RNF150: variants seen among roughly 807,000 people sequenced by gnomAD.
The protein encoded by RNF150 is ring finger protein 150.
Under a neutral mutation model 39.3 loss-of-function variants are expected in RNF150, and 24 were observed. That is an observed-to-expected ratio of 0.61 (90% CI 0.44 to 0.86). The LOEUF (loss-of-function observed/expected upper bound fraction) is 0.86, where lower values mean the gene tolerates loss of function less well. Ranked by LOEUF, RNF150 falls within the 40% of genes least tolerant of loss-of-function variation. The pLI is 0.00. For missense variants in RNF150, 502 were observed against 587.8 expected (o/e 0.85, Z 1.51); for synonymous variants, 255 against 227.3 (o/e 1.12, Z -1.10).
At chr4:140,957,964 A>G (rs894007338) in intron 2 of RNF150, among the ~76,000 whole-genome samples, 14 of 151,954 alleles carry the variant, frequency 9.2e-5, no homozygotes, top group Non-Finnish European at 1.8e-4. Flanking sequence ...TAGTGGGTGT[A>G]GCGCACCAGC....
In RNF150 at chr4:140,919,019, A is replaced by T. The variant is rs1014970193; in HGVS notation, c.987+6958T>A. ...GCTAAAAACTCTCAATAAGTTAGGTATTGATGGGACGTATCTCAAAATAAT... is the reference window on the plus strand; with the variant it reads ...GCTAAAAACTCTCAATAAGTTAGGTTTTGATGGGACGTATCTCAAAATAAT... On this transcript the variant is annotated intron_variant, in intron 5 of 6. Transcript: ENST00000515673. Among the ~76,000 whole-genome samples, 21 of 152,158 alleles carry T rather than the reference A, an allele frequency of 1.4e-4. No individual in the cohort carries two copies. The East Asian group carries it at 1.6e-3, about 11-fold the overall frequency.
intron 1 of RNF150, among the ~76,000 whole-genome samples, chr4:140,973,228 A>G (rs2111437641): frequency 6.6e-6 from 1 of 152,286 alleles, no homozygotes; most frequent in East Asian, 1.9e-4. Context: ...AATGTGAAAA[A>G]ACTAGAAAGA....
chr4:140,925,403 A>T (rs1731353064), intron 5 of RNF150, among the ~76,000 whole-genome samples: 1 of 152,130 alleles, frequency 6.6e-6, no homozygotes, highest in Admixed American at 6.6e-5. Flanking sequence ...CAACTGGGGG[A>T]ACCCGTTAAA....
chr4:140,976,080 G>C (rs191582303), intron 1 of RNF150, among the ~76,000 whole-genome samples: 2 of 151,988 alleles, frequency 1.3e-5, no homozygotes, highest in African/African-American at 4.8e-5. Context: ...TGATTGGTTC[G>C]GCTTTCCTAT....
intron 1 of RNF150, among the ~76,000 whole-genome samples, chr4:141,115,419 A>C (rs7658695): frequency 6.6e-6 from 1 of 151,930 alleles, no homozygotes; most frequent in South Asian, 2.1e-4. Context: ...AAAATACCTA[A>C]GAATACAACT....
intron 2 of RNF150, among the ~76,000 whole-genome samples, chr4:140,958,213 G>A (rs1413266802): frequency 6.6e-6 from 1 of 152,082 alleles, no homozygotes; most frequent in African/African-American, 2.4e-5. Context: ...TTTCATATAA[G>A]GGACTGTAGA....
chr4:140,931,598 T>C (rs1468719377), intron 4 of RNF150, among the ~76,000 whole-genome samples: 1 of 152,194 alleles, frequency 6.6e-6, no homozygotes, highest in Admixed American at 6.5e-5. Flanking sequence ...ATTCACAGGA[T>C]AGCAGTGAAT....
intron 1 of RNF150, among the ~76,000 whole-genome samples, chr4:140,986,156 AAAC>A (rs1734007686): frequency 6.6e-6 from 1 of 152,156 alleles, no homozygotes; most frequent in Admixed American, 6.6e-5. Context: ...GTGATTTAAG[AAAC>A]AACGTTACCC....
At chr4:140,951,405 A>T (rs981792318) in intron 2 of RNF150, among the ~76,000 whole-genome samples, 15 of 152,298 alleles carry the variant, frequency 9.8e-5, no homozygotes, top group South Asian at 4.1e-4. Context: ...GTTTAAAAAA[A>T]TGGTAATGAA....
chr4:140,993,590 G>A (rs927623789), intron 1 of RNF150, among the ~76,000 whole-genome samples: 1 of 152,282 alleles, frequency 6.6e-6, no homozygotes, highest in South Asian at 2.1e-4. Context: ...CATAGTGAAG[G>A]CCCCCGGCAT....
chr4:141,015,381 C>T (rs1466645153), intron 1 of RNF150, among the ~76,000 whole-genome samples: 1 of 152,180 alleles, frequency 6.6e-6, no homozygotes, highest in Non-Finnish European at 1.5e-5. Context: ...TTCTTCCAAT[C>T]TATAAACACG....
chr4:141,184,134 A>T (rs951534917), intron 1 of RNF150, among the ~76,000 whole-genome samples: 4 of 152,214 alleles, frequency 2.6e-5, no homozygotes, highest in Non-Finnish European at 4.4e-5. Context: ...ACAGTGTAAA[A>T]GCATTCCTAT....
chr4:140,871,231 G>A (rs553440875), intron 6 of RNF150, among the ~76,000 whole-genome samples: 5 of 152,210 alleles, frequency 3.3e-5, no homozygotes, highest in African/African-American at 4.8e-5. Context: ...ATGTTTATGT[G>A]TTGATGCCAA....
rs1736467344 is a variant in RNF150, at chr4:141,044,039, TTCTATTGATA to T, written c.485-76176_485-76167del. 2.0e-5 allele frequency among the ~76,000 whole-genome samples: 3 copies of T among 152,298 alleles called. No individual in the cohort carries two copies. In the South Asian group the frequency reaches 6.2e-4, roughly 32 times the overall value. On this transcript the variant is annotated intron_variant, in intron 1 of 6. Transcript: ENST00000515673. ...GTATAATAGGGTTGAAGTAAATGTA[TTCTATTGATA>T]TCTATCAAAATGTCCTTTTCTTCTT...
chr4:140,922,606 T>C (rs1731204164), intron 5 of RNF150, among the ~76,000 whole-genome samples: 4 of 151,820 alleles, frequency 2.6e-5, no homozygotes, highest in South Asian at 4.2e-4. Flanking sequence ...CTTCACAGAA[T>C]TGGAAAAAAC....
At position 141,132,744 on chromosome 4, in the gene RNF150, C is replaced by T; in HGVS notation, c.65G>A (p.Cys22Tyr). 1 of 1,610,730 alleles carries T rather than the reference C, an allele frequency of 6.2e-7. No homozygotes were observed. Among genetic ancestry groups the T allele is most frequent in the African/African-American group, 1.3e-5 (1 of 74,670 alleles). ...GTCCAGGCAGAGCAGATGCACGAAACAAAAGGAAAGCAGCCATGTTGAGAG... is the reference window on the plus strand; with the variant it reads ...GTCCAGGCAGAGCAGATGCACGAAATAAAAGGAAAGCAGCCATGTTGAGAG... Reference protein sequence around the residue: ...LALSTWLLSFCFVHLLCLDFT... With the variant: ...LALSTWLLSFYFVHLLCLDFT... Residue 22 changes from cysteine (C) to tyrosine (Y), a missense_variant, in exon 1 of 7, where the codon TGT becomes TAT. Physicochemically the swap from Cys to Tyr is radical, Grantham distance 194. Transcript: ENST00000515673. The surrounding 1 kb of genome is among the most constrained non-coding windows in gnomAD (Gnocchi z 4.9).
chr4:141,157,444 T>G (rs915040092), intron 1 of RNF150, among the ~76,000 whole-genome samples: 2 of 152,142 alleles, frequency 1.3e-5, no homozygotes, highest in Non-Finnish European at 2.9e-5. Context: ...AGGTTGAACC[T>G]CAGAGCAAAA....
At chr4:141,093,182 C>G (rs1578721197) in intron 1 of RNF150, among the ~76,000 whole-genome samples, 2 of 152,040 alleles carry the variant, frequency 1.3e-5, no homozygotes, top group African/African-American at 4.8e-5. Context: ...CTGGCTAACA[C>G]AGTGAAACCC....
chr4:141,054,858 G>A (rs889256900), intron 1 of RNF150, among the ~76,000 whole-genome samples: 10 of 152,194 alleles, frequency 6.6e-5, no homozygotes, highest in South Asian at 2.1e-4. Flanking sequence ...TGCACATATC[G>A]AATTGAAACT....
Sources: gnomAD v4.1 joint callset for allele counts (sites outside exome capture counted in the v4.1 genomes callset) on GRCh38, gnomAD v4.1.1 for gene constraint, Gnocchi (gnomAD v3.1) non-coding constraint, MANE v1.5 for transcripts, NCBI Gene and HGNC (gene_info 2026-07-23, HGNC 2026-07-21) for gene names.